NECAB2: variants seen among roughly 807,000 people sequenced by gnomAD.
NECAB2 encodes N-terminal EF-hand calcium binding protein 2.
A neutral mutation model predicts 51.9 loss-of-function variants in NECAB2; 68 were observed. The ratio of observed to expected loss-of-function variants is 1.31; its 90% CI spans 1.08 to 1.60. NECAB2 has a LOEUF of 1.60. Among genes scored for constraint, NECAB2 ranks in the 40% most tolerant of loss-of-function variants. The pLI is 0.00. For missense variants in NECAB2, 854 were observed against 490.3 expected, an observed-to-expected ratio of 1.74 and a Z score of -7.00; for synonymous variants, 329 against 203.5, an observed-to-expected ratio of 1.62 and a Z score of -5.25.
intron 11 of NECAB2, among the ~76,000 whole-genome samples, chr16:84,001,492 AG>A (rs1837859161): frequency 6.6e-6 from 1 of 152,118 alleles, no homozygotes; most frequent in African/African-American, 2.4e-5. Context: ...AGGGACTAAA[AG>A]CCTTCGCAGC....
rs2084810218 is a variant in NECAB2 at position 84,000,600 on chromosome 16, C to T, written c.963-124C>T. On this transcript the variant is annotated intron_variant, in intron 10 of 12. Coordinates refer to ENST00000305202, the MANE Select transcript of NECAB2 (RefSeq NM_019065.3). ...TGTCGAGTCTCGATGGAGGTCAAGA[C>T]AGGAAGAAACATTGAAGGCAGCCGT... is the stretch of plus-strand genomic sequence containing the variant. The T allele has an allele frequency of 7.1e-6, 5 of 706,758 alleles. No homozygotes were observed. The Admixed American group carries it at 9.9e-5, about 14-fold the overall frequency. The allele number at this position is 706,758 out of a possible 1,614,324, so 43.8% of individuals were successfully genotyped here.
intron 6 of NECAB2, among the ~76,000 whole-genome samples, chr16:83,992,549 CAG>C (rs1188752852): frequency 6.6e-6 from 1 of 152,170 alleles, no homozygotes; most frequent in Admixed American, 6.5e-5. Flanking sequence ...ATTTTCCAGG[CAG>C]AGAGGTACCT....
chr16:83,967,037 A>G (rs1016621156), upstream of NECAB2, among the ~76,000 whole-genome samples: 9 of 151,990 alleles, frequency 5.9e-5, no homozygotes, highest in African/African-American at 2.2e-4. Context: ...TCGCCCAGCT[A>G]GTTATTGTAT....
At position 84,000,735 on chromosome 16, in the gene NECAB2, T is replaced by G; in HGVS notation, c.974T>G (p.Val325Gly). ...GVRNCFHITAVRLSDGFTFVI... is the reference protein window; with the variant it reads ...GVRNCFHITAGRLSDGFTFVI... ...ATCTCCTGTTGCAGCATCACTGCCG[T>G]GAGGCTCTCAGATGGCTTCACCTTT... Residue 325 changes from valine (V) to glycine (G), a missense_variant, in exon 11 of 13, where the codon GTG becomes GGG. Transcript: ENST00000305202. 1.2e-6 allele frequency: 2 copies of G among 1,613,852 alleles called. No individual in the cohort carries two copies. The highest frequency in any genetic ancestry group is 3.3e-5 in the Admixed American group (2 of 60,004).
At chr16:83,981,244 G>T in intron 5 of NECAB2, 117 bp downstream of exon 5, 1 of 892,610 alleles carries the variant, frequency 1.1e-6, no homozygotes, top group Non-Finnish European at 1.8e-6. Context: ...TATCTCAGGG[G>T]TGGGCTTTGC....
intron 9 of NECAB2, 90 bp from the exon 10 acceptor site, chr16:83,998,115 C>A: frequency 8.9e-7 from 1 of 1,120,130 alleles, no homozygotes; most frequent in Non-Finnish European, 1.3e-6. Flanking sequence ...TTTATTTTGA[C>A]CGAGGAAGGG....
intron 5 of NECAB2, among the ~76,000 whole-genome samples, chr16:83,983,153 T>A (rs1391735011): frequency 6.6e-6 from 1 of 152,088 alleles, no homozygotes; most frequent in Non-Finnish European, 1.5e-5. Flanking sequence ...ACAGGTGTGA[T>A]GTGATTGGCA....
intron 4 of NECAB2, 52 bp downstream of exon 4, chr16:83,980,916 G>A: frequency 1.9e-6 from 3 of 1,612,834 alleles, no homozygotes; most frequent in Non-Finnish European, 2.5e-6. Context: ...GATGGGGCTG[G>A]ATGAGAAGGG....
chr16:83,999,416 C>G (rs562838641), intron 10 of NECAB2, among the ~76,000 whole-genome samples: 4 of 152,196 alleles, frequency 2.6e-5, no homozygotes, highest in African/African-American at 9.6e-5. Context: ...GCACGGTGGA[C>G]GTAGAGGCTC....
chr16:83,994,806 G>T (rs1281154625), intron 8 of NECAB2, 118 bp downstream of exon 8: 4 of 1,184,128 alleles, frequency 3.4e-6, no homozygotes, highest in Non-Finnish European at 4.8e-6. Flanking sequence ...CCATGAAAAA[G>T]ACATCCCCCA....
At chr16:84,002,132 C>T (rs1297574621) in intron 12 of NECAB2, among the ~76,000 whole-genome samples, 186 bp from the exon 13 acceptor site, 3 of 152,196 alleles carry the variant, frequency 2.0e-5, no homozygotes, top group African/African-American at 7.2e-5. Flanking sequence ...CCACGGCCCC[C>T]TACTTCCAGC....
chr16:83,971,335 G>C (rs985016844), intron 1 of NECAB2: 1 of 152,218 alleles, frequency 6.6e-6, no homozygotes, highest in Non-Finnish European at 1.5e-5. Flanking sequence ...AGTCACCCTG[G>C]GGTGTGGCCC....
chr16:83,992,615 C>T (rs766819897), intron 6 of NECAB2, among the ~76,000 whole-genome samples: 3 of 152,126 alleles, frequency 2.0e-5, no homozygotes, highest in Non-Finnish European at 4.4e-5. Context: ...TGTGTTTCTT[C>T]GTAGTTGAAG....
intron 1 of NECAB2, 63 bp downstream of exon 1, chr16:83,968,912 C>T (rs559602619): frequency 0.024 from 24,251 of 1,021,600 alleles, 366 homozygotes; most frequent in South Asian, 0.044. Flanking sequence ...CCCCCTCCGC[C>T]CCTCGGGCGG....
chr16:84,001,950 C>G, intron 12 of NECAB2, 34 bp downstream of exon 12: 1 of 1,602,468 alleles, frequency 6.2e-7, no homozygotes, highest in South Asian at 1.1e-5. Flanking sequence ...GCAGTGGCCA[C>G]CTGACTGGAG....
chr16:83,997,127 C>A, intron 8 of NECAB2, 89 bp from the exon 9 acceptor site: 1 of 1,547,892 alleles, frequency 6.5e-7, no homozygotes, highest in Non-Finnish European at 8.9e-7. Flanking sequence ...TTGGGAGCTC[C>A]CAACAGCCCC....
chr16:83,983,185 C>CT (rs2084510549), intron 5 of NECAB2, among the ~76,000 whole-genome samples: 1 of 152,130 alleles, frequency 6.6e-6, no homozygotes, highest in African/African-American at 2.4e-5. Flanking sequence ...TGCGTATTTC[C>CT]TAAGTGGTTT....
Position 83,968,533 on chromosome 16 carries a change from G to T in NECAB2, c.-116G>T. 3 of 849,392 alleles carry T rather than the reference G, an allele frequency of 3.5e-6. No homozygotes were observed. Among genetic ancestry groups the T allele is most frequent in the Non-Finnish European group, 4.2e-6 (3 of 708,906 alleles). 52.6% of individuals were successfully genotyped at this position (849,392 alleles called of 1,614,324 possible). On this transcript the variant is annotated 5_prime_UTR_variant, in exon 1 of 13. Coordinates refer to ENST00000305202, the MANE Select transcript of NECAB2 (RefSeq NM_019065.3). ...CCCCGCGGTGTCCGCGGCCGCGGGG[G>T]CAGCGGGAGAGAGGGCGGGGCGGCG...
chr16:83,992,525 C>A (rs994727687), intron 6 of NECAB2, among the ~76,000 whole-genome samples: 2 of 152,162 alleles, frequency 1.3e-5, no homozygotes, highest in Non-Finnish European at 2.9e-5. Context: ...CACCCAAGCT[C>A]GATTGAGCCC....
Sources: allele counts gnomAD v4.1 joint callset (sites outside exome capture counted in the v4.1 genomes callset), GRCh38; gene constraint gnomAD v4.1.1; transcripts MANE v1.5; gene names NCBI Gene and HGNC (gene_info 2026-07-23, HGNC 2026-07-21).